ZNF521: variants seen among roughly 807,000 people sequenced by gnomAD.
ZNF521 encodes the protein zinc finger protein 521.
ZNF521 carries 14 observed loss-of-function variants against 105.5 expected under a neutral mutation model. That is an observed-to-expected ratio of 0.13 (90% CI 0.09 to 0.21). The LOEUF (loss-of-function observed/expected upper bound fraction) is 0.21, where lower values mean the gene tolerates loss of function less well. ZNF521 is among the 10% of genes least tolerant of loss of function. The pLI, the probability that ZNF521 is intolerant of heterozygous loss-of-function variation, is 1.00. For synonymous variants in ZNF521, 635 were observed against 606.0 expected, an observed-to-expected ratio of 1.05 and a Z score of -0.70; for missense variants, 1,233 against 1,629.7, an observed-to-expected ratio of 0.76 and a Z score of 4.19.
intron 7 of ZNF521, among the ~76,000 whole-genome samples, chr18:25,066,487 T>G (rs555342111): frequency 6.6e-6 from 1 of 152,304 alleles, no homozygotes; most frequent in South Asian, 2.1e-4. Flanking sequence ...TAGGTGTTGG[T>G]GAGAACAGAT....
At chr18:25,202,469 C>A (rs568076345) in intron 4 of ZNF521, 1 of 152,090 alleles carries the variant, frequency 6.6e-6, no homozygotes, top group Admixed American at 6.6e-5. Context: ...AACCAATCCC[C>A]CATGGATACC....
intron 5 of ZNF521, among the ~76,000 whole-genome samples, chr18:25,154,802 A>G (rs557380059): frequency 3.9e-5 from 6 of 152,256 alleles, no homozygotes; most frequent in African/African-American, 1.4e-4. Context: ...ATTGATGAAG[A>G]CTTAAGTTCT....
intron 5 of ZNF521, among the ~76,000 whole-genome samples, chr18:25,167,457 AC>A (rs2035365045): frequency 6.6e-6 from 1 of 152,240 alleles, no homozygotes; most frequent in Non-Finnish European, 1.5e-5. Flanking sequence ...ATTGGAAGAC[AC>A]AAAACCTACC....
At chr18:25,286,237 G>A (rs750170446) in intron 3 of ZNF521, among the ~76,000 whole-genome samples, 7 of 152,132 alleles carry the variant, frequency 4.6e-5, no homozygotes, top group Non-Finnish European at 1.0e-4. Context: ...GTGGAATGAA[G>A]TGAAGGGAGG....
chr18:25,178,874 C>T (rs1040941491), intron 5 of ZNF521, among the ~76,000 whole-genome samples: 1 of 152,128 alleles, frequency 6.6e-6, no homozygotes, highest in Non-Finnish European at 1.5e-5. Context: ...ATGAATACTG[C>T]ACCAGCTGAA....
intron 2 of ZNF521, among the ~76,000 whole-genome samples, chr18:25,340,898 A>T (rs1914163710): frequency 6.6e-6 from 1 of 152,234 alleles, no homozygotes; most frequent in African/African-American, 2.4e-5. Flanking sequence ...CTTTAACAGG[A>T]GCTATAAAAT....
intron 7 of ZNF521, among the ~76,000 whole-genome samples, chr18:25,075,721 A>T (rs1320166995): frequency 6.6e-6 from 1 of 152,216 alleles, no homozygotes; most frequent in Non-Finnish European, 1.5e-5. Flanking sequence ...CCTGGCACTC[A>T]AGAAAGAAAA....
chr18:25,119,411 T>C (rs1231252102), intron 5 of ZNF521, among the ~76,000 whole-genome samples: 1 of 152,158 alleles, frequency 6.6e-6, no homozygotes, highest in Non-Finnish European at 1.5e-5. Flanking sequence ...ATTGACCATA[T>C]GTTCACCCAT....
chr18:25,188,987 T>G (rs936045242), intron 5 of ZNF521, among the ~76,000 whole-genome samples: 2 of 150,884 alleles, frequency 1.3e-5, no homozygotes, highest in African/African-American at 4.8e-5. Context: ...ACTGCCAGTA[T>G]TTTTTATTCT....
At chr18:25,228,482 A>G (rs1430612548) in intron 3 of ZNF521, among the ~76,000 whole-genome samples, 1 of 152,248 alleles carries the variant, frequency 6.6e-6, no homozygotes, top group Non-Finnish European at 1.5e-5. Flanking sequence ...CACAAGGGCC[A>G]GATTTTAATA....
intron 4 of ZNF521, among the ~76,000 whole-genome samples, chr18:25,213,028 T>TAG (rs2036220069): frequency 6.6e-6 from 1 of 151,520 alleles, no homozygotes; most frequent in Non-Finnish European, 1.5e-5. Context: ...TGCTACTTTT[T>TAG]TCTAATACTC....
At chr18:25,217,480 T>C (rs927048198) in intron 4 of ZNF521, among the ~76,000 whole-genome samples, 1 of 152,116 alleles carries the variant, frequency 6.6e-6, no homozygotes, top group African/African-American at 2.4e-5. Context: ...TTTACTAAAA[T>C]GATGGAAGTC....
At chr18:25,189,714 T>C (rs1374617055) in intron 5 of ZNF521, among the ~76,000 whole-genome samples, 1 of 152,240 alleles carries the variant, frequency 6.6e-6, no homozygotes. Context: ...AGATCACACA[T>C]TTGTTTAAAT....
At chr18:25,212,946 C>A (rs1398091151) in intron 4 of ZNF521, among the ~76,000 whole-genome samples, 1 of 151,392 alleles carries the variant, frequency 6.6e-6, no homozygotes, top group Non-Finnish European at 1.5e-5. Context: ...TCTTTAGATT[C>A]TTTGGGTGTC....
chr18:25,316,908 G>C (rs1173910978), intron 3 of ZNF521, among the ~76,000 whole-genome samples: 1 of 146,924 alleles, frequency 6.8e-6, no homozygotes, highest in African/African-American at 2.5e-5. Context: ...AGGCTAGAGA[G>C]CAATGACACG....
chr18:25,148,280 T>C (rs2034982927), intron 5 of ZNF521, among the ~76,000 whole-genome samples: 1 of 152,212 alleles, frequency 6.6e-6, no homozygotes, highest in Non-Finnish European at 1.5e-5. Context: ...ACAGGACTTA[T>C]TTATGCCATT....
chr18:25,084,690 G>A (rs932184339), intron 7 of ZNF521, among the ~76,000 whole-genome samples: 1 of 152,112 alleles, frequency 6.6e-6, no homozygotes, highest in African/African-American at 2.4e-5. Context: ...TCTTCTACCC[G>A]TACTGCAGGA....
intron 2 of ZNF521, among the ~76,000 whole-genome samples, chr18:25,322,754 T>C (rs750767346): frequency 6.6e-6 from 1 of 152,178 alleles, no homozygotes; most frequent in Non-Finnish European, 1.5e-5. Flanking sequence ...CTGTATCACA[T>C]GGCAAAACAT....
At chr18:25,215,227 T>TA (rs1031130115) in intron 4 of ZNF521, among the ~76,000 whole-genome samples, 1 of 152,062 alleles carries the variant, frequency 6.6e-6, no homozygotes, top group African/African-American at 2.4e-5. Flanking sequence ...ATTTAAAAGA[T>TA]AAAAAAGCAT....
Sources: gnomAD v4.1 joint callset for allele counts (sites outside exome capture counted in the v4.1 genomes callset) on GRCh38, gnomAD v4.1.1 for gene constraint, MANE v1.5 for transcripts, NCBI Gene and HGNC (gene_info 2026-07-23, HGNC 2026-07-21) for gene names.